Variants in TENM2 observed in about 807,000 individuals in gnomAD.
The protein encoded by TENM2 is teneurin transmembrane protein 2, also known as teneurin-2.
TENM2 carries 52 observed loss-of-function variants against 245.2 expected under a neutral mutation model. The observed-to-expected ratio is 0.21, with a 90% CI of 0.17 to 0.27. The LOEUF is 0.27. TENM2 is among the 10% of genes least tolerant of loss of function. The pLI is 1.00. For synonymous variants in TENM2, 1,363 were observed against 1,438.9 expected (o/e 0.95, Z 1.19); for missense variants, 3,046 against 3,666.8 (o/e 0.83, Z 4.37).
exon 8 of TENM2, chr5:168,090,596 A>G (rs747862183): frequency 6.2e-7 from 1 of 1,613,172 alleles, no homozygotes; most frequent in Admixed American, 1.7e-5. Flanking sequence ...GAACGTCTGG[A>G]CGGGAAGGAG....
At chr5:167,839,019 G>A (rs965045084) in intron 2 of TENM2, among the ~76,000 whole-genome samples, 15 of 152,180 alleles carry the variant, frequency 9.9e-5, no homozygotes, top group Non-Finnish European at 2.1e-4. Context: ...GAAATGGGTT[G>A]TTGTGAGAAT....
chr5:167,195,161 C>T, the TENM2 span, among the ~76,000 whole-genome samples: 12 of 152,076 alleles, frequency 7.9e-5, no homozygotes, highest in South Asian at 2.1e-4. Flanking sequence ...GAAAAGAGCT[C>T]GGTATTCTCA....
intron 5 of TENM2, among the ~76,000 whole-genome samples, chr5:167,993,737 C>T (rs1783845058): frequency 6.6e-6 from 1 of 152,212 alleles, no homozygotes; most frequent in African/African-American, 2.4e-5. Flanking sequence ...ACACACTTGG[C>T]CTTGCCCATA....
At chr5:168,005,111 C>T (rs1784721346) in intron 5 of TENM2, among the ~76,000 whole-genome samples, 1 of 152,174 alleles carries the variant, frequency 6.6e-6, no homozygotes. Flanking sequence ...TTCTTCAAAA[C>T]TATCAGGAAT....
chr5:168,020,657 G>A (rs181601755), intron 5 of TENM2, among the ~76,000 whole-genome samples: 67 of 152,252 alleles, frequency 4.4e-4, no homozygotes, highest in Non-Finnish European at 8.7e-4. Context: ...TGGGTAGGGT[G>A]GAACCTCCAC....
chr5:167,001,241 T>C, the TENM2 span, among the ~76,000 whole-genome samples: 1 of 152,148 alleles, frequency 6.6e-6, no homozygotes, highest in African/African-American at 2.4e-5. Context: ...CAAGCCTTGG[T>C]TAAAACTACT....
chr5:168,098,085 T>C (rs1234065523), exon 9 of TENM2: 1 of 1,613,602 alleles, frequency 6.2e-7, no homozygotes. Flanking sequence ...GTCCGGGGTG[T>C]GTCACTGTTT....
chr5:167,888,217 C>A (rs926349945), intron 3 of TENM2, among the ~76,000 whole-genome samples: 3 of 152,140 alleles, frequency 2.0e-5, no homozygotes, highest in Non-Finnish European at 4.4e-5. Context: ...CAGGATAGAG[C>A]AACTAGAAAT....
At chr5:168,164,678 C>A (rs575582416) in intron 13 of TENM2, among the ~76,000 whole-genome samples, 2 of 152,230 alleles carry the variant, frequency 1.3e-5, no homozygotes, top group African/African-American at 4.8e-5. Flanking sequence ...AGCATGTGGG[C>A]CACCTAATCT....
chr5:167,836,586 A>G (rs1769014146), intron 2 of TENM2, among the ~76,000 whole-genome samples: 1 of 152,204 alleles, frequency 6.6e-6, no homozygotes, highest in South Asian at 2.1e-4. Flanking sequence ...CACACTTGTA[A>G]CCATGTTCAC....
chr5:167,270,663 G>T, the TENM2 span, among the ~76,000 whole-genome samples: 1 of 152,206 alleles, frequency 6.6e-6, no homozygotes, highest in African/African-American at 2.4e-5. Flanking sequence ...AACTTCCTGA[G>T]GCAACTGCAT....
intron 2 of TENM2, among the ~76,000 whole-genome samples, chr5:167,623,852 G>A (rs1024956186): frequency 6.6e-6 from 1 of 152,046 alleles, no homozygotes; most frequent in African/African-American, 2.4e-5. Flanking sequence ...TAAAAGTTAG[G>A]TGTTTTTCCA....
chr5:167,112,872 G>A, the TENM2 span, among the ~76,000 whole-genome samples: 2 of 152,150 alleles, frequency 1.3e-5, no homozygotes, highest in Non-Finnish European at 2.9e-5. Flanking sequence ...AGACATGTGG[G>A]CCAAATAGAT....
chr5:167,938,726 C>T (rs747698905), intron 3 of TENM2: 1 of 152,112 alleles, frequency 6.6e-6, no homozygotes, highest in Non-Finnish European at 1.5e-5. Context: ...AGTCAGATCA[C>T]GAGGTCAGGA....
intron 2 of TENM2, among the ~76,000 whole-genome samples, chr5:167,690,902 T>A (rs1757382861): frequency 6.7e-6 from 1 of 148,934 alleles, no homozygotes; most frequent in Non-Finnish European, 1.5e-5. Context: ...TATATTTGTA[T>A]ATATATCCGT....
the TENM2 span, among the ~76,000 whole-genome samples, chr5:167,237,268 T>C: frequency 6.6e-6 from 1 of 152,232 alleles, no homozygotes; most frequent in African/African-American, 2.4e-5. Context: ...AATTCTTTAA[T>C]GACTGAATAA....
At chr5:167,904,121 A>G (rs908644625) in intron 3 of TENM2, among the ~76,000 whole-genome samples, 6 of 152,204 alleles carry the variant, frequency 3.9e-5, no homozygotes, top group Admixed American at 3.9e-4. Flanking sequence ...GCAGAAAAAT[A>G]TATGCCTATT....
intron 12 of TENM2, among the ~76,000 whole-genome samples, chr5:168,135,136 C>A (rs957071995): frequency 1.3e-5 from 2 of 152,220 alleles, no homozygotes; most frequent in African/African-American, 4.8e-5. Context: ...CTCATTGATT[C>A]TGTCCCCATT....
At chr5:168,139,383 T>G in intron 12 of TENM2, 4 of 433,896 alleles carry the variant, frequency 9.2e-6, no homozygotes, top group Non-Finnish European at 1.8e-5. Context: ...TAGCTATATC[T>G]ATTTTATTTA....
Sources: gnomAD v4.1 joint callset for allele counts (sites outside exome capture counted in the v4.1 genomes callset) on GRCh38, gnomAD v4.1.1 for gene constraint, MANE v1.5 for transcripts, NCBI Gene and HGNC (gene_info 2026-07-23, HGNC 2026-07-21) for gene names.